ZEB1: variants seen among roughly 807,000 people sequenced by gnomAD.
ZEB1 encodes the protein zinc finger E-box-binding homeobox 1.
ZEB1 carries 21 observed loss-of-function variants against 84.9 expected under a neutral mutation model. That is an observed-to-expected ratio of 0.25 (90% CI 0.18 to 0.36). The LOEUF (loss-of-function observed/expected upper bound fraction) is 0.36, where lower values mean the gene tolerates loss of function less well. Ranked by LOEUF, ZEB1 falls within the 10% of genes least tolerant of loss-of-function variation. ZEB1 has a pLI of 1.00. For missense variants in ZEB1, 1,104 were observed against 1,330.2 expected (o/e 0.83, Z 2.65); for synonymous variants, 420 against 471.1 (o/e 0.89, Z 1.41).
At chr10:31,329,073 A>G (rs1450120371) in intron 1 of ZEB1, among the ~76,000 whole-genome samples, 1 of 152,096 alleles carries the variant, frequency 6.6e-6, no homozygotes, top group Admixed American at 6.6e-5. Context: ...ATGCATGTAC[A>G]TTTTGATAGA....
At chr10:31,377,199 A>G (rs1359162354) in intron 1 of ZEB1, among the ~76,000 whole-genome samples, 2 of 150,864 alleles carry the variant, frequency 1.3e-5, no homozygotes, top group Admixed American at 6.6e-5. Context: ...AATTAGTTCT[A>G]ATGTAACCAG....
chr10:31,345,766 A>G (rs781648464), intron 1 of ZEB1, among the ~76,000 whole-genome samples: 1 of 152,186 alleles, frequency 6.6e-6, no homozygotes, highest in Non-Finnish European at 1.5e-5. Context: ...CCAAGGGGGT[A>G]TTGAAAATGC....
In ZEB1 at chr10:31,385,053, TTAGTC is replaced by T. The variant is rs544158894; in HGVS notation, c.58+65764_58+65768del. Reference sequence around the variant, plus strand: ...TGAGTTTTTGTGTACACTTATTTCTTTAGTCTAAAGTTTTGTTTTAAATCTCTTTT... The same window carrying T: ...TGAGTTTTTGTGTACACTTATTTCTTTAAAGTTTTGTTTTAAATCTCTTTT... On this transcript the variant is annotated intron_variant, in intron 1 of 8. Transcript: ENST00000424869. 8.5e-5 allele frequency among the ~76,000 whole-genome samples: 13 copies of T among 152,346 alleles called. No individual in the cohort carries two copies. In the East Asian group the frequency reaches 2.5e-3, roughly 29 times the overall value.
chr10:31,361,684 G>A (rs1427280747), intron 1 of ZEB1, among the ~76,000 whole-genome samples: 4 of 151,464 alleles, frequency 2.6e-5, no homozygotes, highest in Admixed American at 6.6e-5. Flanking sequence ...ACAGGGCGGC[G>A]GCTGGGCAGG....
intron 1 of ZEB1, among the ~76,000 whole-genome samples, chr10:31,326,607 A>G (rs959384496): frequency 2.3e-4 from 35 of 152,210 alleles, no homozygotes; most frequent in African/African-American, 7.7e-4. Context: ...TTATGTTACT[A>G]GTTAGCTTGG....
intron 1 of ZEB1, among the ~76,000 whole-genome samples, chr10:31,382,572 A>G (rs2047886666): frequency 1.3e-5 from 2 of 152,154 alleles, no homozygotes; most frequent in Non-Finnish European, 2.9e-5. Flanking sequence ...TCTTAAAACT[A>G]ATTAGACAAA....
intron 2 of ZEB1, among the ~76,000 whole-genome samples, chr10:31,482,796 TAAAAC>T (rs1438603273): frequency 6.6e-6 from 1 of 151,986 alleles, no homozygotes. Flanking sequence ...TAAGCAGTAA[TAAAAC>T]AAAAGGAAAA....
intron 1 of ZEB1, chr10:31,319,567 G>T (rs1294465782): frequency 9.5e-6 from 4 of 421,630 alleles, no homozygotes; most frequent in East Asian, 8.3e-5. Flanking sequence ...TCCCTGGACC[G>T]TTAGCCGGCG....
chr10:31,372,608 A>G (rs1174890407), intron 1 of ZEB1, among the ~76,000 whole-genome samples: 1 of 152,052 alleles, frequency 6.6e-6, no homozygotes, highest in African/African-American at 2.4e-5. Flanking sequence ...TTCTTGTGGT[A>G]TGTACTATTA....
At chr10:31,476,751 A>G (rs1170795049) in intron 2 of ZEB1, among the ~76,000 whole-genome samples, 2 of 152,230 alleles carry the variant, frequency 1.3e-5, no homozygotes, top group East Asian at 1.9e-4. Context: ...AGATGGTTCA[A>G]CATTTGCAAG....
At chr10:31,321,043 G>C (rs2033881685) in intron 1 of ZEB1, 1 of 679,720 alleles carries the variant, frequency 1.5e-6, no homozygotes, top group South Asian at 6.2e-5. Flanking sequence ...TCTATAATGG[G>C]ACCGCTGCAG....
rs1278973909 is a variant in ZEB1 at position 31,371,351 on chromosome 10, T to G, written c.58+52059T>G. Among the ~76,000 whole-genome samples, 7 of 152,216 alleles carry G rather than the reference T, an allele frequency of 4.6e-5. No individual in the cohort carries two copies. The East Asian group carries it at 1.3e-3, about 29-fold the overall frequency. On this transcript the variant is annotated intron_variant, in intron 1 of 8. Transcript: ENST00000424869. ...TTGGTGGGGGTTGTTGGAGGAGATATCTCTGTGTTCTGTAATTTCATTTGA... is the reference window on the plus strand; with the variant it reads ...TTGGTGGGGGTTGTTGGAGGAGATAGCTCTGTGTTCTGTAATTTCATTTGA...
At chr10:31,343,628 G>C (rs537336933) in intron 1 of ZEB1, among the ~76,000 whole-genome samples, 1 of 152,168 alleles carries the variant, frequency 6.6e-6, no homozygotes, top group South Asian at 2.1e-4. Flanking sequence ...AGGAAATTCA[G>C]AGTTAATCAA....
chr10:31,492,795 T>G (rs11815925), intron 2 of ZEB1, among the ~76,000 whole-genome samples: 2,463 of 152,070 alleles, frequency 0.016, 64 homozygotes, highest in African/African-American at 0.057. Context: ...CTTCTGGATT[T>G]TTATTAGAAT....
rs768190425 is a variant in ZEB1 at position 31,520,897 on chromosome 10, G to T, written c.1565G>T (p.Ser522Ile). The change falls in exon 7 of 9, where the codon AGC becomes ATC. Residue 522 changes from serine to isoleucine, a missense_variant. This residue lies in a region of ZEB1 where 531 missense variants were observed against 575.2 expected (regional missense o/e 0.92). Coordinates refer to ENST00000424869, the MANE Select transcript of ZEB1 (RefSeq NM_001174096.2). The surrounding 1 kb of genome is among the most constrained non-coding windows in gnomAD (Gnocchi z 5.1). Reference sequence around the variant, plus strand: ...ACTGTTAAGTCTGAGAAGGACAAAAGCTTTGAAGGGGGGGTGAATGATAGC... The same window carrying T: ...ACTGTTAAGTCTGAGAAGGACAAAATCTTTGAAGGGGGGGTGAATGATAGC... ...DLTVKSEKDK[S>I]FEGGVNDSTC... The T allele has an allele frequency of 6.2e-7, 1 of 1,614,126 alleles. No individual in the cohort carries two copies.
intron 4 of ZEB1, among the ~76,000 whole-genome samples, chr10:31,507,345 G>A (rs552799673): frequency 9.2e-5 from 14 of 152,144 alleles, no homozygotes; most frequent in Non-Finnish European, 1.9e-4. Context: ...TTGGGGGTGC[G>A]CTGAGCTTTC....
intron 5 of ZEB1, among the ~76,000 whole-genome samples, chr10:31,511,844 A>G (rs2070100466): frequency 6.6e-6 from 1 of 152,216 alleles, no homozygotes; most frequent in Non-Finnish European, 1.5e-5. Context: ...TTGTAACAGA[A>G]AAAGAATGAC....
rs1465081586 is a variant in ZEB1 at position 31,516,748 on chromosome 10, G to A, written c.793+2040G>A. On this transcript the variant is annotated intron_variant, in intron 6 of 8. Coordinates refer to ENST00000424869, the MANE Select transcript of ZEB1 (RefSeq NM_001174096.2). The stretch of plus-strand genomic sequence containing the variant: ...TTGATAGGGTTTCTTTTTTAAATCA[G>A]ATTATTCAATAGAAGCCAGTCATAG... Among the ~76,000 whole-genome samples, 5 of 151,926 alleles carry A rather than the reference G, an allele frequency of 3.3e-5. 1 individual carries two copies. The highest frequency in any genetic ancestry group is 7.4e-5 in the Non-Finnish European group (5 of 67,918).
intron 2 of ZEB1, among the ~76,000 whole-genome samples, chr10:31,473,138 A>T (rs1335894387): frequency 1.5e-5 from 2 of 134,584 alleles, no homozygotes; most frequent in African/African-American, 5.7e-5. Flanking sequence ...ATTCCCTTTG[A>T]AAACTGGCAC....
Sources: allele counts gnomAD v4.1 joint callset (sites outside exome capture counted in the v4.1 genomes callset), GRCh38; gene constraint gnomAD v4.1.1; regional missense constraint gnomAD v4.1.1; non-coding constraint Gnocchi (gnomAD v3.1); transcripts MANE v1.5; gene names NCBI Gene and HGNC (gene_info 2026-07-23, HGNC 2026-07-21).